NBR1: variants seen among roughly 807,000 people sequenced by gnomAD.
NBR1 encodes next to BRCA1 gene 1 protein.
Under a neutral mutation model 115.5 loss-of-function variants are expected in NBR1, and 59 were observed. The observed-to-expected ratio is 0.51, with a 90% confidence interval of 0.41 to 0.63. The LOEUF is 0.63. Among genes scored for constraint, NBR1 ranks in the 30% least tolerant of loss-of-function variants. The pLI is 0.00. For missense variants in NBR1, 1,043 were observed against 1,150.5 expected (o/e 0.91, Z 1.35); for synonymous variants, 373 against 414.7 (o/e 0.90, Z 1.22).
At chr17:43,193,314 C>T (rs1401146313) in intron 11 of NBR1, 34 bp from the exon 12 acceptor site, 1 of 1,612,408 alleles carries the variant, frequency 6.2e-7, no homozygotes, top group South Asian at 1.1e-5. Flanking sequence ...GCTCAGCTGA[C>T]AAGCTTGCTT....
At chr17:43,179,928 G>T (rs928150151) in intron 4 of NBR1, among the ~76,000 whole-genome samples, 5 of 132,136 alleles carry the variant, frequency 3.8e-5, no homozygotes, top group Admixed American at 1.5e-4. Context: ...AGGGACCTGG[G>T]TTGAGATTTT....
At chr17:43,188,987 A>G (rs1488997791) in intron 6 of NBR1, 55 bp from the exon 7 acceptor site, 3 of 1,194,368 alleles carry the variant, frequency 2.5e-6, no homozygotes, top group Non-Finnish European at 3.7e-6. Context: ...CTCCAGGAAA[A>G]GTATTTTAAA....
Position 43,173,758 on chromosome 17 carries a change from C to T in NBR1, c.-9-2033C>T, listed in dbSNP as rs565665102. On this transcript the variant is annotated intron_variant, in intron 1 of 20. Transcript: ENST00000590996. The stretch of plus-strand genomic sequence containing the variant: ...AACTGACCTGCTCACAGTTTTATGT[C>T]TAGTAATGGGCCGGAGGTATGTCTG... Among the ~76,000 whole-genome samples, 11 of 152,224 alleles carry T rather than the reference C, an allele frequency of 7.2e-5. No homozygotes were observed. In the East Asian group the frequency reaches 1.9e-3, roughly 27 times the overall value.
At chr17:43,181,859 C>T (rs2056674279) in intron 5 of NBR1, among the ~76,000 whole-genome samples, 1 of 151,792 alleles carries the variant, frequency 6.6e-6, no homozygotes, top group Admixed American at 6.6e-5. Context: ...TGGTGCATGC[C>T]TATAATCCCA....
At chr17:43,190,093 CTTTTTTT>C (rs34682023) in intron 8 of NBR1, 1 of 213,950 alleles carries the variant, frequency 4.7e-6, no homozygotes, top group Non-Finnish European at 9.0e-6. Context: ...TTCCAAATGC[CTTTTTTT>C]TTTTTTTTTT....
At position 43,189,067 on chromosome 17, in the gene NBR1, C is replaced by A. The variant is rs1464381714; in HGVS notation, c.428C>A (p.Thr143Lys). The A allele has an allele frequency of 6.2e-7, 1 of 1,613,054 alleles. No individual in the cohort carries two copies. Among genetic ancestry groups the A allele is most frequent in the Non-Finnish European group, 8.5e-7 (1 of 1,179,010 alleles). Residue 143 changes from threonine (T) to lysine (K), a missense_variant, in exon 7 of 21, where the codon ACA becomes AAA. Coordinates refer to ENST00000590996, the MANE Select transcript of NBR1 (RefSeq NM_005899.5). ...VQSFPLVPCD[T>K]DQPQDKPPDW... ...TCGTTTCCACTTGTTCCATGTGACA[C>A]AGACCAGCCTCAAGACAAGCCCCCA... is the stretch of plus-strand genomic sequence containing the variant.
In NBR1 at chr17:43,186,324, C is replaced by T; in HGVS notation, c.282C>T (p.Pro94=). 1 of 1,593,750 alleles carries T rather than the reference C, an allele frequency of 6.3e-7. No homozygotes were observed. Among genetic ancestry groups the T allele is most frequent in the Admixed American group, 1.8e-5 (1 of 56,686 alleles). The change falls in exon 6 of 21, where the codon CCC becomes CCT. Residue 94 remains proline (P), a synonymous_variant. Transcript: ENST00000590996. ...EGHHVVDEAP[P]PVVGAKRLAA... The stretch of plus-strand genomic sequence containing the variant: ...ACCATGTCGTTGATGAAGCCCCACC[C>T]CCAGTTGTAGGAGCAAAACGACTAG...
At position 43,210,357 on chromosome 17, in the gene NBR1, T is replaced by C. The variant is rs142652796; in HGVS notation, c.*283T>C. ...ATTGACAAGTGTAACTTCAACTTCATATAGAACCATTTTTCTTTCTGCTTT... is the reference window on the plus strand; with the variant it reads ...ATTGACAAGTGTAACTTCAACTTCACATAGAACCATTTTTCTTTCTGCTTT... On this transcript the variant is annotated 3_prime_UTR_variant, in exon 21 of 21. Coordinates refer to ENST00000590996, the MANE Select transcript of NBR1 (RefSeq NM_005899.5). 1 of 392,774 alleles carries C rather than the reference T, an allele frequency of 2.5e-6. No homozygotes were observed. The allele number at this position is 392,774 out of a possible 1,614,324, so 24.3% of individuals were successfully genotyped here.
Position 43,193,076 on chromosome 17 carries a change from A to G in NBR1, c.1074-18A>G, listed in dbSNP as rs771158915. 6.2e-7 allele frequency: 1 copy of G among 1,611,574 alleles called. No homozygotes were observed. Among genetic ancestry groups the G allele is most frequent in the Non-Finnish European group, 8.5e-7 (1 of 1,178,396 alleles). On this transcript the variant is annotated intron_variant, in intron 10 of 20. Coordinates refer to ENST00000590996, the MANE Select transcript of NBR1 (RefSeq NM_005899.5). ...CACACCCAACAGCAAGTGACTAAGCATCTGAATTTCTGTTCAGGCTCCCTT... is the reference window on the plus strand; with the variant it reads ...CACACCCAACAGCAAGTGACTAAGCGTCTGAATTTCTGTTCAGGCTCCCTT...
chr17:43,178,230 AG>A (rs2056572843), intron 3 of NBR1, among the ~76,000 whole-genome samples: 3 of 151,138 alleles, frequency 2.0e-5, no homozygotes, highest in African/African-American at 7.3e-5. Context: ...AAAAAAAAAA[AG>A]GAAACAGGGT....
chr17:43,177,952 A>C lies in NBR1; in HGVS notation c.119A>C (p.Asp40Ala). ...DIEAMVKVSF[D>A]LNTIQIKYLD... Reference sequence around the variant, plus strand: ...CTTTTATAGGTAAAAGTTTCATTTGATCTGAATACTATTCAAATAAAATAC... The same window carrying C: ...CTTTTATAGGTAAAAGTTTCATTTGCTCTGAATACTATTCAAATAAAATAC... The change falls in exon 3 of 21, where the codon GAT becomes GCT. Residue 40 changes from aspartate to alanine, a missense_variant. Asp to Ala is a moderately radical substitution (Grantham distance 126). Transcript: ENST00000590996. 3 of 1,553,688 alleles carry C rather than the reference A, an allele frequency of 1.9e-6. No individual in the cohort carries two copies. Among genetic ancestry groups the C allele is most frequent in the Non-Finnish European group, 2.6e-6 (3 of 1,135,454 alleles).
chr17:43,195,701 G>T (rs1277634403), intron 14 of NBR1: 5 of 151,366 alleles, frequency 3.3e-5, no homozygotes, highest in African/African-American at 4.9e-5. Context: ...TGCACCTGTG[G>T]TCCCAGCTAC....
chr17:43,196,940 A>G lies in NBR1; in HGVS notation c.1862-2A>G. 1.2e-6 allele frequency: 2 copies of G among 1,613,936 alleles called. No individual in the cohort carries two copies. Among genetic ancestry groups the G allele is most frequent in the Non-Finnish European group, 1.7e-6 (2 of 1,179,850 alleles). On this transcript the variant is annotated splice_acceptor_variant, in intron 15 of 20. Transcript: ENST00000590996. LOFTEE classifies it high-confidence loss of function. ...TGCAGATAAGGTTCGTGTGTCTTTC[A>G]GATTCTATGGTGTCAGTAAAGAGGA...
Position 43,210,489 on chromosome 17 carries a change from T to G in NBR1, c.*415T>G. ...AACCTCGGAAGTTGTTTTTAAGAAT[T>G]ATTCTCATAATTCTTATTCTCATAA... On this transcript the variant is annotated 3_prime_UTR_variant, in exon 21 of 21. Coordinates refer to ENST00000590996, the MANE Select transcript of NBR1 (RefSeq NM_005899.5). 2.5e-6 allele frequency: 1 copy of G among 397,524 alleles called. No individual in the cohort carries two copies. The highest frequency in any genetic ancestry group is 4.4e-6 in the Non-Finnish European group (1 of 225,980). 24.6% of individuals were successfully genotyped at this position (397,524 alleles called of 1,614,324 possible). A position where few individuals can be genotyped will look rare whatever the true frequency, so the allele number is the denominator to read the frequency against.
intron 5 of NBR1, among the ~76,000 whole-genome samples, chr17:43,185,083 A>G (rs1331794338): frequency 2.1e-5 from 3 of 142,146 alleles, no homozygotes; most frequent in African/African-American, 7.6e-5. Context: ...GCGAGACTCC[A>G]CCTCAAAAAA....
chr17:43,194,939 AG>A, intron 13 of NBR1, 24 bp from the exon 14 acceptor site: 1 of 1,599,802 alleles, frequency 6.3e-7, no homozygotes, highest in Non-Finnish European at 8.6e-7. Context: ...CACTCCAAAC[AG>A]CCTAACATTG....
At position 43,180,653 on chromosome 17, in the gene NBR1, G is replaced by C. The variant is rs188132371; in HGVS notation, c.185-142G>C. The stretch of plus-strand genomic sequence containing the variant: ...CCTCATGTTGTACAGTCCATCTTTA[G>C]GATTGGCTATCCTTAATCTTATGGA... On this transcript the variant is annotated intron_variant, in intron 4 of 20. Coordinates refer to ENST00000590996, the MANE Select transcript of NBR1 (RefSeq NM_005899.5). The C allele has an allele frequency of 5.4e-5, 52 of 955,686 alleles. No individual in the cohort carries two copies. In the African/African-American group the frequency reaches 7.4e-4, roughly 14 times the overall value. The allele number at this position is 955,686 out of a possible 1,614,324, so 59.2% of individuals were successfully genotyped here.
Position 43,193,250 on chromosome 17 carries a change from A to C in NBR1, c.1230A>C (p.Thr410=). 1 of 1,613,958 alleles carries C rather than the reference A, an allele frequency of 6.2e-7. No homozygotes were observed. The highest frequency in any genetic ancestry group is 8.5e-7 in the Non-Finnish European group (1 of 1,179,850). ...GAAATGTAAAGTGGAGTGCAGACAC[A>C]AAGGTAATTTTTCCCACAAAATGCA... is the stretch of plus-strand genomic sequence containing the variant. ...NTGNVKWSAD[T]KLKFMWGNLT... is the part of the protein sequence containing the mutation. The change falls in exon 11 of 21, where the codon ACA becomes ACC. Residue 410 remains threonine (T), a synonymous_variant. Transcript: ENST00000590996.
chr17:43,177,960 A>G lies in NBR1; in HGVS notation c.127A>G (p.Thr43Ala), dbSNP rs2056564247. 1 of 1,560,452 alleles carries G rather than the reference A, an allele frequency of 6.4e-7. No individual in the cohort carries two copies. Among genetic ancestry groups the G allele is most frequent in the Non-Finnish European group, 8.8e-7 (1 of 1,139,750 alleles). ...GGTAAAAGTTTCATTTGATCTGAAT[A>G]CTATTCAAATAAAATACCTGGATGA... The part of the protein sequence containing the change: ...AMVKVSFDLN[T>A]IQIKYLDEEN... The change falls in exon 3 of 21, where the codon ACT (threonine) becomes GCT (alanine). Residue 43 changes from threonine (T) to alanine (A), a missense_variant. Physicochemically the swap from Thr to Ala is moderately conservative, Grantham distance 58. Coordinates refer to ENST00000590996, the MANE Select transcript of NBR1 (RefSeq NM_005899.5).
Sources: allele counts gnomAD v4.1 joint callset (sites outside exome capture counted in the v4.1 genomes callset), GRCh38; gene constraint gnomAD v4.1.1; transcripts MANE v1.5; gene names NCBI Gene and HGNC (gene_info 2026-07-23, HGNC 2026-07-21).